UBE2QL1: variants seen among roughly 807,000 people sequenced by gnomAD.
UBE2QL1 encodes the protein ubiquitin-conjugating enzyme E2Q-like protein 1.
Under a neutral mutation model 12.6 loss-of-function variants are expected in UBE2QL1, and 5 were observed. The observed-to-expected ratio is 0.40, with a 90% confidence interval of 0.21 to 0.83. UBE2QL1 has a LOEUF of 0.83. Ranked by LOEUF, UBE2QL1 falls within the 40% of genes least tolerant of loss-of-function variation. The pLI is 0.37. For synonymous variants in UBE2QL1, 96 were observed against 94.5 expected (o/e 1.02, Z -0.10); for missense variants, 99 against 222.6 (o/e 0.44, Z 3.53).
In UBE2QL1 at chr5:6,478,744, CGG is replaced by C. The variant is rs1205936308; in HGVS notation, c.355-12472_355-12471del. Among the ~76,000 whole-genome samples the C allele has an allele frequency of 6.6e-6, 1 of 152,004 alleles. No individual in the cohort carries two copies. The highest frequency in any genetic ancestry group is 2.4e-5 in the African/African-American group (1 of 41,374). ...GAAGTGTCCTGATCACCCAATGGCA[CGG>C]GTGATCAAAGCCACAGCAGACCACA... On this transcript the variant is annotated intron_variant, in intron 1 of 1. Transcript: ENST00000399816. This position sits in a 1 kb window ranked among gnomAD's most constrained non-coding sequence, Gnocchi z 4.5.
At chr5:6,459,372 T>C (rs116747584) in intron 1 of UBE2QL1, among the ~76,000 whole-genome samples, 1 of 152,340 alleles carries the variant, frequency 6.6e-6, no homozygotes, top group African/African-American at 2.4e-5. Context: ...TATCCTGGCA[T>C]CTGCCTTTTC....
intron 1 of UBE2QL1, among the ~76,000 whole-genome samples, chr5:6,486,385 C>T (rs1734468421): frequency 1.3e-5 from 2 of 152,040 alleles, no homozygotes; most frequent in African/African-American, 4.8e-5. Flanking sequence ...CTCCCCCTCC[C>T]CCAAGCATAG....
At chr5:6,449,874 C>CCT (rs1383415104) in intron 1 of UBE2QL1, among the ~76,000 whole-genome samples, 4 of 146,862 alleles carry the variant, frequency 2.7e-5, no homozygotes, top group South Asian at 2.1e-4. Context: ...CCCAACCCCC[C>CCT]CCACACACAC....
Position 6,479,183 on chromosome 5 carries a change from G to T in UBE2QL1, c.355-12035G>T, listed in dbSNP as rs754672375. On this transcript the variant is annotated intron_variant, in intron 1 of 1. Transcript: ENST00000399816. The surrounding 1 kb of genome is among the most constrained non-coding windows in gnomAD (Gnocchi z 4.2). ...GAGTCCCACCTGCCGGAACAAGAGG[G>T]CGAAAGTGAGAATTAAGCCACCGAG... is the stretch of plus-strand genomic sequence containing the variant. Among the ~76,000 whole-genome samples the T allele has an allele frequency of 6.6e-6, 1 of 151,624 alleles. No homozygotes were observed. Among genetic ancestry groups the T allele is most frequent in the African/African-American group, 2.4e-5 (1 of 41,234 alleles).
At chr5:6,489,626 C>T (rs1734528480) in intron 1 of UBE2QL1, among the ~76,000 whole-genome samples, 1 of 152,146 alleles carries the variant, frequency 6.6e-6, no homozygotes, top group African/African-American at 2.4e-5. Flanking sequence ...TAGGTAGGCT[C>T]CGAATACAAG....
In UBE2QL1 at chr5:6,481,914, C is replaced by T. The variant is rs551291272; in HGVS notation, c.355-9304C>T. ...GCCTCTCTGTCAGCTTTATGCCTGC[C>T]GTGGGCAGAGTTATGTCCTCCCCAA... On this transcript the variant is annotated intron_variant, in intron 1 of 1. Coordinates refer to ENST00000399816, the MANE Select transcript of UBE2QL1 (RefSeq NM_001145161.3). The surrounding 1 kb of genome is among the most constrained non-coding windows in gnomAD (Gnocchi z 4.5). Among the ~76,000 whole-genome samples, 5 of 152,292 alleles carry T rather than the reference C, an allele frequency of 3.3e-5. No individual in the cohort carries two copies. Among genetic ancestry groups the T allele is most frequent in the South Asian group, 2.1e-4 (1 of 4,826 alleles).
chr5:6,463,742 C>T (rs1412721105), intron 1 of UBE2QL1, among the ~76,000 whole-genome samples: 1 of 150,724 alleles, frequency 6.6e-6, no homozygotes. Context: ...GTTCTCCTGC[C>T]TCAGCCTCCC....
chr5:6,487,187 G>A (rs140098534), intron 1 of UBE2QL1, among the ~76,000 whole-genome samples: 2 of 152,352 alleles, frequency 1.3e-5, no homozygotes, highest in African/African-American at 4.8e-5. Context: ...GGCCGAACTG[G>A]GGAGTTAAGT....
chr5:6,467,745 C>T (rs367865087), intron 1 of UBE2QL1, among the ~76,000 whole-genome samples: 347 of 152,240 alleles, frequency 2.3e-3, no homozygotes, highest in African/African-American at 8.0e-3. Flanking sequence ...CTCTGCCCTG[C>T]GGGCCCCACC....
At chr5:6,454,600 C>A (rs898337042) in intron 1 of UBE2QL1, among the ~76,000 whole-genome samples, 1 of 152,146 alleles carries the variant, frequency 6.6e-6, no homozygotes, top group African/African-American at 2.4e-5. Flanking sequence ...TCTGCAACTG[C>A]TGTGCTAGTT....
At chr5:6,461,616 C>G (rs1739667905) in intron 1 of UBE2QL1, among the ~76,000 whole-genome samples, 1 of 142,378 alleles carries the variant, frequency 7.0e-6, no homozygotes, top group Admixed American at 7.7e-5. Flanking sequence ...GCAATGATAT[C>G]TAAATCAGTT....
chr5:6,485,177 AC>A (rs1379001725), intron 1 of UBE2QL1, among the ~76,000 whole-genome samples: 1 of 151,052 alleles, frequency 6.6e-6, no homozygotes, highest in East Asian at 2.0e-4. Context: ...GCACACACAC[AC>A]CCCCAGGCTC....
intron 1 of UBE2QL1, among the ~76,000 whole-genome samples, chr5:6,482,742 C>T (rs915705228): frequency 9.2e-5 from 14 of 152,188 alleles, no homozygotes; most frequent in East Asian, 1.9e-4. Context: ...TCAGTGCACA[C>T]GGCTGGGAAC....
chr5:6,465,862 T>C (rs1739776729), intron 1 of UBE2QL1, among the ~76,000 whole-genome samples: 1 of 152,214 alleles, frequency 6.6e-6, no homozygotes, highest in Non-Finnish European at 1.5e-5. Context: ...CTCCTCGCCA[T>C]TTCTGCATTT....
rs1254776455 is a variant in UBE2QL1, at chr5:6,496,135, G to A, written c.*4786G>A. Among the ~76,000 whole-genome samples, 1 of 152,168 alleles carries A rather than the reference G, an allele frequency of 6.6e-6. No homozygotes were observed. Among genetic ancestry groups the A allele is most frequent in the African/African-American group, 2.4e-5 (1 of 41,450 alleles). On this transcript the variant is annotated 3_prime_UTR_variant, in exon 2 of 2. Transcript: ENST00000399816. Reference sequence around the variant, plus strand: ...CGAGGCCGTCCTCCCAGGTCAGTAAGGCCGCATGGAGGGATAAAGAGATCC... The same window carrying A: ...CGAGGCCGTCCTCCCAGGTCAGTAAAGCCGCATGGAGGGATAAAGAGATCC...
rs1054061461 is a variant in UBE2QL1, at chr5:6,479,903, T to C, written c.355-11315T>C. Reference sequence around the variant, plus strand: ...GCTGCAAAGACCAGAATGTACGTAGTAAAGGTAGACTCAGGGCCCTGATCA... The same window carrying C: ...GCTGCAAAGACCAGAATGTACGTAGCAAAGGTAGACTCAGGGCCCTGATCA... On this transcript the variant is annotated intron_variant, in intron 1 of 1. Coordinates refer to ENST00000399816, the MANE Select transcript of UBE2QL1 (RefSeq NM_001145161.3). The surrounding 1 kb of genome is among the most constrained non-coding windows in gnomAD (Gnocchi z 4.2). Among the ~76,000 whole-genome samples, 3 of 152,072 alleles carry C rather than the reference T, an allele frequency of 2.0e-5. No homozygotes were observed. Among genetic ancestry groups the C allele is most frequent in the African/African-American group, 7.2e-5 (3 of 41,380 alleles).
chr5:6,460,117 C>G (rs1390129529), intron 1 of UBE2QL1, among the ~76,000 whole-genome samples: 1 of 152,118 alleles, frequency 6.6e-6, no homozygotes, highest in Non-Finnish European at 1.5e-5. Context: ...TGGGATAAAG[C>G]TGGAGATCTG....
rs1475196356 is a variant in UBE2QL1 at position 6,476,892 on chromosome 5, A to G, written c.355-14326A>G. ...CCCCCTCTTGGCATAGAGAGAGTGG[A>G]AACATCCCCTTCCCCTTGGAAACCA... On this transcript the variant is annotated intron_variant, in intron 1 of 1. Transcript: ENST00000399816. The surrounding 1 kb of genome is among the most constrained non-coding windows in gnomAD (Gnocchi z 4.9). Among the ~76,000 whole-genome samples the G allele has an allele frequency of 6.6e-6, 1 of 152,110 alleles. No homozygotes were observed. Among genetic ancestry groups the G allele is most frequent in the African/African-American group, 2.4e-5 (1 of 41,408 alleles).
intron 1 of UBE2QL1, among the ~76,000 whole-genome samples, chr5:6,482,485 G>T (rs1211022670): frequency 6.6e-6 from 1 of 152,116 alleles, no homozygotes; most frequent in Non-Finnish European, 1.5e-5. Context: ...ATTGCCACTT[G>T]TCTTTTGCGT....
Sources: gnomAD v4.1 joint callset for allele counts (sites outside exome capture counted in the v4.1 genomes callset) on GRCh38, gnomAD v4.1.1 for gene constraint, Gnocchi (gnomAD v3.1) non-coding constraint, MANE v1.5 for transcripts, NCBI Gene and HGNC (gene_info 2026-07-23, HGNC 2026-07-21) for gene names.